The following MCHR2 variants were observed in gnomAD, a reference collection of about 807,000 sequenced individuals.
MCHR2 encodes melanin-concentrating hormone receptor 2.
Under a neutral mutation model 24.8 loss-of-function variants are expected in MCHR2, and 15 were observed. The ratio of observed to expected loss-of-function variants is 0.60; its 90% CI spans 0.40 to 0.93. The LOEUF (loss-of-function observed/expected upper bound fraction) is 0.93. Ranked by LOEUF, MCHR2 falls within the 40% of genes least tolerant of loss-of-function variation. MCHR2 has a pLI of 0.00. For synonymous variants in MCHR2, 151 were observed against 147.6 expected (o/e 1.02, Z -0.17); for missense variants, 386 against 408.7 (o/e 0.94, Z 0.48).
intron 3 of MCHR2, among the ~76,000 whole-genome samples, chr6:99,944,183 G>A (rs1218782755): frequency 6.6e-6 from 1 of 151,668 alleles, no homozygotes; most frequent in Non-Finnish European, 1.5e-5. Context: ...TTTCATTTTA[G>A]GGCCAGGAAA....
At chr6:99,928,829 C>T (rs1304196110) in intron 5 of MCHR2, among the ~76,000 whole-genome samples, 1 of 152,106 alleles carries the variant, frequency 6.6e-6, no homozygotes, top group Non-Finnish European at 1.5e-5. Context: ...TTTTGTGTCT[C>T]TATTTCCTTC....
chr6:99,933,864 C>T (rs1319945362), intron 5 of MCHR2, among the ~76,000 whole-genome samples: 1 of 151,972 alleles, frequency 6.6e-6, no homozygotes, highest in East Asian at 1.9e-4. Context: ...ATTTATGCAG[C>T]TTTAGAGACA....
chr6:99,969,634 T>C (rs188753354), intron 1 of MCHR2, among the ~76,000 whole-genome samples: 1 of 151,736 alleles, frequency 6.6e-6, no homozygotes, highest in Non-Finnish European at 1.5e-5. Context: ...CTGTTACATA[T>C]GTATACATGT....
chr6:99,975,436 G>C (rs1055510534), intron 1 of MCHR2, among the ~76,000 whole-genome samples: 1 of 152,310 alleles, frequency 6.6e-6, no homozygotes, highest in African/African-American at 2.4e-5. Flanking sequence ...CGCAGTATTA[G>C]GGTGGGGGTG....
intron 5 of MCHR2, 96 bp downstream of exon 5, chr6:99,934,302 G>A: frequency 8.0e-7 from 1 of 1,247,842 alleles, no homozygotes; most frequent in East Asian, 2.7e-5. Context: ...GTCTAAATGT[G>A]GTATGTTTCA....
Position 99,947,896 on chromosome 6 carries a change from C to A in MCHR2, c.258G>T (p.Met86Ile). ...AVADLVHIVG[M>I]PFLIHQWARG... is the part of the protein sequence containing the mutation. ...GGGCCCATTGGTGAATAAGAAAAGG[C>A]ATTCCAACTATGTGGACCAAATCAG... The change falls in exon 3 of 6, where the codon ATG becomes ATT. Residue 86 changes from methionine to isoleucine, a missense_variant. Physicochemically the swap from Met to Ile is conservative, Grantham distance 10. Coordinates refer to ENST00000281806, the MANE Select transcript of MCHR2 (RefSeq NM_001040179.2). 1 of 1,613,772 alleles carries A rather than the reference C, an allele frequency of 6.2e-7. No homozygotes were observed. The highest frequency in any genetic ancestry group is 8.5e-7 in the Non-Finnish European group (1 of 1,179,806).
At chr6:99,971,703 T>A (rs928727934) in intron 1 of MCHR2, among the ~76,000 whole-genome samples, 2 of 152,236 alleles carry the variant, frequency 1.3e-5, no homozygotes, top group African/African-American at 4.8e-5. Flanking sequence ...GGGCTTGTCA[T>A]AGATAGCTCT....
At chr6:99,930,625 C>T (rs993624955) in intron 5 of MCHR2, among the ~76,000 whole-genome samples, 19 of 152,152 alleles carry the variant, frequency 1.2e-4, no homozygotes, top group African/African-American at 3.9e-4. Context: ...TCCAATCGAT[C>T]GCCATCAGCT....
chr6:99,980,414 G>T lies in MCHR2; in HGVS notation c.-28+13522C>A, dbSNP rs551575584. 5.4e-4 allele frequency among the ~76,000 whole-genome samples: 82 copies of T among 152,312 alleles called. No individual in the cohort carries two copies. In the South Asian group the frequency reaches 8.3e-3, roughly 15 times the overall value. ...ATGGCCTGGTCAGATCCAGTTCTGA[G>T]AGCCTGGGGGAAGCTATCGGAGGTC... On this transcript the variant is annotated intron_variant, in intron 1 of 5. Transcript: ENST00000281806.
At chr6:99,926,729 G>T (rs1410567737) in intron 5 of MCHR2, among the ~76,000 whole-genome samples, 1 of 152,148 alleles carries the variant, frequency 6.6e-6, no homozygotes, top group Admixed American at 6.5e-5. Flanking sequence ...GTAGATTCTG[G>T]ATATCAGCCC....
chr6:99,920,309 T>C lies in MCHR2; in HGVS notation c.*631A>G, dbSNP rs1774196393. 1 of 152,274 alleles carries C rather than the reference T, an allele frequency of 6.6e-6. No individual in the cohort carries two copies. The highest frequency in any genetic ancestry group is 2.1e-4 in the South Asian group (1 of 4,830). The allele number at this position is 152,274 out of a possible 1,614,324, so 9.4% of individuals were successfully genotyped here. A position where few individuals can be genotyped will look rare whatever the true frequency, so the allele number is the denominator to read the frequency against. On this transcript the variant is annotated 3_prime_UTR_variant, in exon 6 of 6. Transcript: ENST00000281806. ...GCTGAATGTTAGCTCAGCTCTTAGA[T>C]AGCTGTTGCAGCATTAGGCCTATCA... is the stretch of plus-strand genomic sequence containing the variant.
chr6:99,949,084 C>T (rs1488257952), intron 2 of MCHR2, among the ~76,000 whole-genome samples: 1 of 152,100 alleles, frequency 6.6e-6, no homozygotes, highest in African/African-American at 2.4e-5. Flanking sequence ...GTTCCTACTT[C>T]AAGGAGCTGG....
chr6:99,970,496 T>C (rs932835820), intron 1 of MCHR2, among the ~76,000 whole-genome samples: 6 of 152,196 alleles, frequency 3.9e-5, no homozygotes, highest in African/African-American at 1.4e-4. Flanking sequence ...GAAAATTTTC[T>C]CCCATTTTGT....
intron 1 of MCHR2, among the ~76,000 whole-genome samples, chr6:99,987,000 A>G (rs950726975): frequency 6.6e-6 from 1 of 151,898 alleles, no homozygotes; most frequent in African/African-American, 2.4e-5. Flanking sequence ...TCCACTGCTC[A>G]ATTTTGGTCA....
chr6:99,972,679 G>A (rs912032161), intron 1 of MCHR2, among the ~76,000 whole-genome samples: 10 of 152,114 alleles, frequency 6.6e-5, no homozygotes, highest in African/African-American at 2.4e-4. Context: ...GATCTTTCCT[G>A]CTTTCTTTTC....
intron 1 of MCHR2, among the ~76,000 whole-genome samples, chr6:99,976,127 A>G (rs1343560954): frequency 1.3e-5 from 2 of 152,236 alleles, no homozygotes; most frequent in Non-Finnish European, 2.9e-5. Flanking sequence ...TACAAATTTT[A>G]AAAAGTTAAA....
chr6:99,985,623 T>C (rs1367907742), intron 1 of MCHR2, among the ~76,000 whole-genome samples: 1 of 152,184 alleles, frequency 6.6e-6, no homozygotes, highest in African/African-American at 2.4e-5. Flanking sequence ...TGAATAGTCA[T>C]ATGCAGAAGA....
chr6:99,991,005 A>T lies in MCHR2; in HGVS notation c.-28+2931T>A, dbSNP rs1015954902. Among the ~76,000 whole-genome samples, 5 of 150,952 alleles carry T rather than the reference A, an allele frequency of 3.3e-5. No homozygotes were observed. In the Admixed American group the frequency reaches 3.3e-4, roughly 10 times the overall value. On this transcript the variant is annotated intron_variant, in intron 1 of 5. Transcript: ENST00000281806. The stretch of plus-strand genomic sequence containing the variant: ...TTATGAGATTCCCAATAATGTTGGG[A>T]TGGGACAGAAAGAAGAAACCCAAGC...
At position 99,918,884 on chromosome 6, in the gene MCHR2, A is replaced by G. The variant is rs1774169252; in HGVS notation, c.*2056T>C. Among the ~76,000 whole-genome samples, 1 of 152,162 alleles carries G rather than the reference A, an allele frequency of 6.6e-6. No individual in the cohort carries two copies. Among genetic ancestry groups the G allele is most frequent in the East Asian group, 1.9e-4 (1 of 5,200 alleles). On this transcript the variant is annotated 3_prime_UTR_variant, in exon 6 of 6. Coordinates refer to ENST00000281806, the MANE Select transcript of MCHR2 (RefSeq NM_001040179.2). ...ATTTAAAATAATTCACTGGCCAATT[A>G]TTTGAGGACTATTGGGACTGCTACT...
Sources: allele counts gnomAD v4.1 joint callset (sites outside exome capture counted in the v4.1 genomes callset), GRCh38; gene constraint gnomAD v4.1.1; transcripts MANE v1.5; gene names NCBI Gene and HGNC (gene_info 2026-07-23, HGNC 2026-07-21).